ZNF777: variants seen among roughly 807,000 people sequenced by gnomAD.
The protein encoded by ZNF777 is zinc finger protein 777.
Under a neutral mutation model 72.1 loss-of-function variants are expected in ZNF777, and 7 were observed. The observed-to-expected ratio is 0.10, with a 90% CI of 0.06 to 0.18. The LOEUF (loss-of-function observed/expected upper bound fraction) is 0.18. Ranked by LOEUF, ZNF777 falls within the 10% of genes least tolerant of loss-of-function variation. ZNF777 has a pLI of 1.00. For synonymous variants in ZNF777, 545 were observed against 483.5 expected (o/e 1.13, Z -1.67); for missense variants, 828 against 1,128.6 (o/e 0.73, Z 3.82).
At chr7:149,442,748 G>T (rs924762186) in intron 4 of ZNF777, among the ~76,000 whole-genome samples, 11 of 151,758 alleles carry the variant, frequency 7.2e-5, no homozygotes, top group Non-Finnish European at 1.5e-4. Context: ...TAATCCAAAA[G>T]AATAACAACA....
Position 149,455,703 on chromosome 7 carries a change from G to C in ZNF777, c.320C>G (p.Pro107Arg). The change falls in exon 2 of 6, where the codon CCC becomes CGC. Residue 107 changes from proline to arginine, a missense_variant. This residue lies in a region of ZNF777 where 222 missense variants were observed against 211.2 expected (regional missense o/e 1.05). Coordinates refer to ENST00000247930, the MANE Select transcript of ZNF777 (RefSeq NM_015694.3). This position sits in a 1 kb window ranked among gnomAD's most constrained non-coding sequence, Gnocchi z 4.2. ...LASQEGTQYPPPAAAEQEVSL... is the reference protein window; with the variant it reads ...LASQEGTQYPRPAAAEQEVSL... ...GACTTCTTGTTCAGCAGCAGCTGGG[G>C]GTGGATACTGGGTCCCTTCCTGGGA... 1 of 1,573,184 alleles carries C rather than the reference G, an allele frequency of 6.4e-7. No individual in the cohort carries two copies. The highest frequency in any genetic ancestry group is 8.6e-7 in the Non-Finnish European group (1 of 1,160,036).
chr7:149,432,726 G>T lies in ZNF777; in HGVS notation c.1546C>A (p.Leu516Met), dbSNP rs753071600. 2 of 1,612,390 alleles carry T rather than the reference G, an allele frequency of 1.2e-6. No homozygotes were observed. Among genetic ancestry groups the T allele is most frequent in the South Asian group, 2.2e-5 (2 of 90,980 alleles). Reference protein sequence around the residue: ...LQLGNPAVKRLAPSVHGERHL... With the variant: ...LQLGNPAVKRMAPSVHGERHL... The stretch of plus-strand genomic sequence containing the variant: ...CGCTCACCGTGCACGGAGGGCGCCA[G>T]CCTTTTCACTGCGGGGTTTCCTAGC... The change falls in exon 6 of 6, where the codon CTG becomes ATG. Residue 516 changes from leucine (L) to methionine (M), a missense_variant. This residue lies in a region of ZNF777 where 219 missense variants were observed against 223.0 expected (regional missense o/e 0.98). Transcript: ENST00000247930.
intron 1 of ZNF777, among the ~76,000 whole-genome samples, chr7:149,457,722 T>G (rs542021986): frequency 6.6e-6 from 1 of 152,328 alleles, no homozygotes; most frequent in East Asian, 1.9e-4. Context: ...GAACCAGACA[T>G]GAGCGCTAAT....
At position 149,450,417 on chromosome 7, in the gene ZNF777, T is replaced by C. The variant is rs538108135; in HGVS notation, c.1087+582A>G. 1.2e-4 allele frequency among the ~76,000 whole-genome samples: 18 copies of C among 152,306 alleles called. No individual in the cohort carries two copies. The East Asian group carries it at 2.9e-3, about 24-fold the overall frequency. On this transcript the variant is annotated intron_variant, in intron 4 of 5. Coordinates refer to ENST00000247930, the MANE Select transcript of ZNF777 (RefSeq NM_015694.3). ...TTTATAGATGAGGAAACTGAGACTC[T>C]GAAAAGATCAAGCAACTGAAATCCC...
Position 149,431,688 on chromosome 7 carries a change from G to T in ZNF777, c.*88C>A, listed in dbSNP as rs989796289. ...CGGCAAAGGGGCTGGGGGGCGCCCC[G>T]CCCCCGCCCGCTGGGCTCGGGCCTG... On this transcript the variant is annotated 3_prime_UTR_variant, in exon 6 of 6. Coordinates refer to ENST00000247930, the MANE Select transcript of ZNF777 (RefSeq NM_015694.3). 4 of 1,140,890 alleles carry T rather than the reference G, an allele frequency of 3.5e-6. No individual in the cohort carries two copies. Among genetic ancestry groups the T allele is most frequent in the African/African-American group, 3.4e-5 (2 of 58,066 alleles). The allele number at this position is 1,140,890 out of a possible 1,614,324, so 70.7% of individuals were successfully genotyped here.
chr7:149,453,901 G>C (rs1585702902), intron 3 of ZNF777, among the ~76,000 whole-genome samples: 2 of 152,240 alleles, frequency 1.3e-5, no homozygotes, highest in Non-Finnish European at 2.9e-5. Context: ...CTCTGAGAGT[G>C]GGGTCTCAAT....
chr7:149,446,973 A>T (rs78889934), intron 4 of ZNF777, among the ~76,000 whole-genome samples: 2 of 152,202 alleles, frequency 1.3e-5, no homozygotes, highest in African/African-American at 2.4e-5. Flanking sequence ...TCCTTCTGGA[A>T]GCATCCTTCT....
chr7:149,433,122 C>G (rs1389219962), intron 5 of ZNF777, among the ~76,000 whole-genome samples, 190 bp from the exon 6 acceptor site: 1 of 152,256 alleles, frequency 6.6e-6, no homozygotes, highest in African/African-American at 2.4e-5. Flanking sequence ...AGACGCGTAA[C>G]CCAGACTGGC....
chr7:149,435,237 C>T (rs572830968), intron 5 of ZNF777, among the ~76,000 whole-genome samples: 2 of 152,268 alleles, frequency 1.3e-5, no homozygotes, highest in East Asian at 3.9e-4. Context: ...GTGATACAAT[C>T]ATGGCTCACT....
rs1345245838 is a variant in ZNF777, at chr7:149,431,703, G to A, written c.*73C>T. 1.7e-6 allele frequency: 2 copies of A among 1,177,300 alleles called. No homozygotes were observed. The highest frequency in any genetic ancestry group is 2.1e-6 in the Non-Finnish European group (2 of 946,842). The allele number at this position is 1,177,300 out of a possible 1,614,324, so 72.9% of individuals were successfully genotyped here. On this transcript the variant is annotated 3_prime_UTR_variant, in exon 6 of 6. Coordinates refer to ENST00000247930, the MANE Select transcript of ZNF777 (RefSeq NM_015694.3). ...GGGGCGCCCCGCCCCCGCCCGCTGG[G>A]CTCGGGCCTGGCGGTGTCCGAGGGG...
In ZNF777 at chr7:149,455,798, G is replaced by A; in HGVS notation, c.225C>T (p.Leu75=). 1 of 1,612,288 alleles carries A rather than the reference G, an allele frequency of 6.2e-7. No individual in the cohort carries two copies. The highest frequency in any genetic ancestry group is 8.5e-7 in the Non-Finnish European group (1 of 1,178,722). ...AACACAGGAGTGAGGGTCCCTTCTG[G>A]AGCACATGTGGCATCCGGCCAGAAG... ...QETSGRMPHV[L]QKGPSLLCSA... is the part of the protein sequence containing the mutation. Residue 75 remains leucine (L), a synonymous_variant, in exon 2 of 6, where the codon CTC becomes CTT. Transcript: ENST00000247930. The surrounding 1 kb of genome is among the most constrained non-coding windows in gnomAD (Gnocchi z 4.2).
At chr7:149,457,710 G>T (rs1015604577) in intron 1 of ZNF777, among the ~76,000 whole-genome samples, 2 of 152,140 alleles carry the variant, frequency 1.3e-5, no homozygotes, top group South Asian at 2.1e-4. Flanking sequence ...AGCCTCTGCC[G>T]CGAACCAGAC....
intron 4 of ZNF777, among the ~76,000 whole-genome samples, chr7:149,448,530 T>C (rs1799651028): frequency 7.1e-6 from 1 of 140,256 alleles, no homozygotes; most frequent in Non-Finnish European, 1.5e-5. Flanking sequence ...TAGTTATACA[T>C]ATAGTTATAT....
rs1799926181 is a variant in ZNF777 at position 149,460,368 on chromosome 7, G to C, written c.-16+447C>G. Among the ~76,000 whole-genome samples, 1 of 145,936 alleles carries C rather than the reference G, an allele frequency of 6.9e-6. No individual in the cohort carries two copies. Among genetic ancestry groups the C allele is most frequent in the Non-Finnish European group, 1.5e-5 (1 of 65,754 alleles). ...GGGGTCGCGGAGCCCGAGCGGCGGCGTCGGAGCTGGGCGCGCGGCTGTGCG... is the reference window on the plus strand; with the variant it reads ...GGGGTCGCGGAGCCCGAGCGGCGGCCTCGGAGCTGGGCGCGCGGCTGTGCG... On this transcript the variant is annotated intron_variant, in intron 1 of 5. Coordinates refer to ENST00000247930, the MANE Select transcript of ZNF777 (RefSeq NM_015694.3). This position sits in a 1 kb window ranked among gnomAD's most constrained non-coding sequence, Gnocchi z 6.1.
At position 149,436,409 on chromosome 7, in the gene ZNF777, C is replaced by T. The variant is rs1563233790; in HGVS notation, c.1339+166G>A. ...TGGAGACGGATTCTTACAAGTCCCG[C>T]GTCACGGAGCCTATACTCGAGGCCG... On this transcript the variant is annotated intron_variant, in intron 5 of 5. Transcript: ENST00000247930. This position sits in a 1 kb window ranked among gnomAD's most constrained non-coding sequence, Gnocchi z 5.0. Among the ~76,000 whole-genome samples, 1 of 152,150 alleles carries T rather than the reference C, an allele frequency of 6.6e-6. No individual in the cohort carries two copies. The highest frequency in any genetic ancestry group is 1.5e-5 in the Non-Finnish European group (1 of 68,026).
At chr7:149,453,012 C>T (rs1799753751) in intron 3 of ZNF777, among the ~76,000 whole-genome samples, 1 of 152,226 alleles carries the variant, frequency 6.6e-6, no homozygotes, top group African/African-American at 2.4e-5. Context: ...TCCAAGGAGT[C>T]CTACGTGTGC....
rs1799416501 is a variant in ZNF777 at position 149,436,623 on chromosome 7, C to CGCT, written c.1288_1290dup (p.Ser430dup). On this transcript the variant is annotated inframe_insertion, in exon 5 of 6. Transcript: ENST00000247930. This position sits in a 1 kb window ranked among gnomAD's most constrained non-coding sequence, Gnocchi z 5.0. ...AGCATCTGCTTCAGTTCGCTGAACT[C>CGCT]GCTGGAGCCTTCCGTGGACTCCTCC... 6.2e-7 allele frequency: 1 copy of CGCT among 1,613,046 alleles called. No homozygotes were observed. The highest frequency in any genetic ancestry group is 1.1e-5 in the South Asian group (1 of 91,078).
At chr7:149,440,689 T>C (rs986713251) in intron 4 of ZNF777, among the ~76,000 whole-genome samples, 2 of 150,082 alleles carry the variant, frequency 1.3e-5, no homozygotes, top group Non-Finnish European at 3.0e-5. Flanking sequence ...TTTTTTTTTT[T>C]TTTAAATAAT....
chr7:149,431,671 G>C lies in ZNF777; in HGVS notation c.*105C>G. The C allele has an allele frequency of 6.4e-6, 7 of 1,087,732 alleles. No homozygotes were observed. Among genetic ancestry groups the C allele is most frequent in the South Asian group, 1.6e-5 (1 of 61,272 alleles). 67.4% of individuals were successfully genotyped at this position (1,087,732 alleles called of 1,614,324 possible). On this transcript the variant is annotated 3_prime_UTR_variant, in exon 6 of 6. Coordinates refer to ENST00000247930, the MANE Select transcript of ZNF777 (RefSeq NM_015694.3). ...AGGAGAGGGGGAGCTCACGGCAAAG[G>C]GGCTGGGGGGCGCCCCGCCCCCGCC... is the stretch of plus-strand genomic sequence containing the variant.
Sources: allele counts gnomAD v4.1 joint callset (sites outside exome capture counted in the v4.1 genomes callset), GRCh38; gene constraint gnomAD v4.1.1; regional missense constraint gnomAD v4.1.1; non-coding constraint Gnocchi (gnomAD v3.1); transcripts MANE v1.5; gene names NCBI Gene and HGNC (gene_info 2026-07-23, HGNC 2026-07-21).